The following PRKN variants were observed in gnomAD, a reference collection of about 807,000 sequenced individuals.
PRKN encodes the protein E3 ubiquitin-protein ligase parkin.
Under a neutral mutation model 59.5 loss-of-function variants are expected in PRKN, and 56 were observed. The ratio of observed to expected loss-of-function variants is 0.94; its 90% CI spans 0.76 to 1.18. PRKN has a LOEUF of 1.18. Ranked by LOEUF, PRKN falls within the 50% of genes most tolerant of loss-of-function variation. The pLI, the probability that PRKN is intolerant of heterozygous loss-of-function variation, is 0.00. For missense variants in PRKN, 657 were observed against 596.4 expected, an observed-to-expected ratio of 1.10 and a Z score of -1.06; for synonymous variants, 250 against 222.1, an observed-to-expected ratio of 1.13 and a Z score of -1.12.
At chr6:162,074,681 G>A (rs1361951789) in intron 4 of PRKN, among the ~76,000 whole-genome samples, 1 of 152,122 alleles carries the variant, frequency 6.6e-6, no homozygotes, top group East Asian at 1.9e-4. Flanking sequence ...TGTAAGTGAA[G>A]TGACTCGTCC....
At chr6:162,418,661 T>TGTGTGTGTGTGCG (rs1398856017) in intron 2 of PRKN, among the ~76,000 whole-genome samples, 2 of 145,632 alleles carry the variant, frequency 1.4e-5, no homozygotes, top group African/African-American at 2.6e-5. Flanking sequence ...TGCGTGTGTG[T>TGTGTGTGTGTGCG]TGAGGGGGGG....
chr6:162,518,273 C>T (rs1246417019), intron 1 of PRKN, among the ~76,000 whole-genome samples: 1 of 152,106 alleles, frequency 6.6e-6, no homozygotes, highest in Non-Finnish European at 1.5e-5. Flanking sequence ...TTAAGTAGTT[C>T]TATATACACA....
intron 1 of PRKN, chr6:162,624,564 T>C (rs1782810271): frequency 6.6e-6 from 1 of 152,188 alleles, no homozygotes; most frequent in African/African-American, 2.4e-5. Context: ...CTTGTACAGC[T>C]TGAAGTATTT....
At chr6:162,490,663 C>G (rs1427312870) in intron 1 of PRKN, among the ~76,000 whole-genome samples, 1 of 152,128 alleles carries the variant, frequency 6.6e-6, no homozygotes, top group East Asian at 1.9e-4. Context: ...AAAAAGGAAG[C>G]TGGTCTATAT....
intron 7 of PRKN, among the ~76,000 whole-genome samples, chr6:161,594,089 G>C (rs34951308): frequency 0.021 from 3,230 of 152,218 alleles, 46 homozygotes; most frequent in Middle Eastern, 0.048. Context: ...CTTGAACCCT[G>C]GAGGCAGAGG....
At chr6:162,105,657 C>T (rs1379482778) in intron 4 of PRKN, among the ~76,000 whole-genome samples, 1 of 152,184 alleles carries the variant, frequency 6.6e-6, no homozygotes, top group Non-Finnish European at 1.5e-5. Context: ...GCCTTGGTCT[C>T]CCAAAGTGCT....
chr6:161,971,290 C>T (rs981264470), intron 6 of PRKN, among the ~76,000 whole-genome samples: 5 of 152,270 alleles, frequency 3.3e-5, no homozygotes, highest in South Asian at 4.1e-4. Flanking sequence ...GGGAGGGCAA[C>T]GCTCTTAGTA....
At chr6:162,688,139 G>A (rs1777638570) in intron 1 of PRKN, among the ~76,000 whole-genome samples, 3 of 152,088 alleles carry the variant, frequency 2.0e-5, no homozygotes, top group Middle Eastern at 3.2e-3. Context: ...AATTACAAAT[G>A]GTACTGCTTT....
chr6:162,248,061 A>G lies in PRKN; in HGVS notation c.412+14464T>C, dbSNP rs113238627. On this transcript the variant is annotated intron_variant, in intron 3 of 11. Transcript: ENST00000366898. Reference sequence around the variant, plus strand: ...AATCTCCCACAGGCTCCCTGGAGAGAGGAGCTGGAAAGCCTTAGGTTTGTT... The same window carrying G: ...AATCTCCCACAGGCTCCCTGGAGAGGGGAGCTGGAAAGCCTTAGGTTTGTT... 1.7e-3 allele frequency among the ~76,000 whole-genome samples: 256 copies of G among 152,298 alleles called. 7 individuals carry two copies. Among genetic ancestry groups the G allele is most frequent in the African/African-American group, 5.8e-3 (241 of 41,574 alleles).
At chr6:161,908,047 C>T (rs1364284481) in intron 6 of PRKN, among the ~76,000 whole-genome samples, 5 of 152,082 alleles carry the variant, frequency 3.3e-5, no homozygotes, top group African/African-American at 9.7e-5. Context: ...CACTGCACTC[C>T]AGCCTGGGTG....
chr6:161,389,161 C>T (rs1184245027), intron 9 of PRKN, among the ~76,000 whole-genome samples: 3 of 152,156 alleles, frequency 2.0e-5, no homozygotes, highest in Non-Finnish European at 4.4e-5. Context: ...CATAATTCCT[C>T]CTTGCCTCAA....
intron 2 of PRKN, among the ~76,000 whole-genome samples, chr6:162,318,093 C>G (rs561883453): frequency 6.6e-6 from 1 of 152,016 alleles, no homozygotes; most frequent in African/African-American, 2.4e-5. Context: ...CTCTCCAGGC[C>G]CTGGTAACTG....
At chr6:162,330,484 G>T (rs138134536) in intron 2 of PRKN, among the ~76,000 whole-genome samples, 1 of 152,130 alleles carries the variant, frequency 6.6e-6, no homozygotes, top group Non-Finnish European at 1.5e-5. Flanking sequence ...TTGGTTCAGC[G>T]CATAATTCCA....
At chr6:161,920,620 T>A (rs1163609673) in intron 6 of PRKN, among the ~76,000 whole-genome samples, 1 of 151,516 alleles carries the variant, frequency 6.6e-6, no homozygotes, top group South Asian at 2.1e-4. Context: ...CCCCGTCTCG[T>A]CTCTACTAAA....
At chr6:161,790,604 C>A (rs1293307516) in intron 6 of PRKN, among the ~76,000 whole-genome samples, 1 of 152,156 alleles carries the variant, frequency 6.6e-6, no homozygotes, top group Non-Finnish European at 1.5e-5. Flanking sequence ...CACACACGTT[C>A]CACCATATGA....
chr6:161,812,111 G>T (rs772211535), intron 6 of PRKN, among the ~76,000 whole-genome samples: 1 of 152,088 alleles, frequency 6.6e-6, no homozygotes, highest in Non-Finnish European at 1.5e-5. Flanking sequence ...TTGAAGCCAG[G>T]CATGGTAGTT....
At chr6:162,341,009 AATCT>A (rs1562685930) in intron 2 of PRKN, among the ~76,000 whole-genome samples, 2 of 152,170 alleles carry the variant, frequency 1.3e-5, no homozygotes, top group South Asian at 2.1e-4. Flanking sequence ...AAATTTTTGC[AATCT>A]ATCTATCTGA....
At chr6:162,147,645 T>C (rs915864405) in intron 4 of PRKN, among the ~76,000 whole-genome samples, 1 of 152,190 alleles carries the variant, frequency 6.6e-6, no homozygotes, top group Non-Finnish European at 1.5e-5. Flanking sequence ...AGTAAACTTT[T>C]TAAGACTGAA....
intron 11 of PRKN, 100 bp from the exon 12 acceptor site, chr6:161,350,311 G>A: frequency 1.3e-6 from 1 of 791,880 alleles, no homozygotes; most frequent in Non-Finnish European, 2.2e-6. Flanking sequence ...CACTTTCTGA[G>A]CGAATAATCA....
Sources: allele counts gnomAD v4.1 joint callset (sites outside exome capture counted in the v4.1 genomes callset), GRCh38; gene constraint gnomAD v4.1.1; transcripts MANE v1.5; gene names NCBI Gene and HGNC (gene_info 2026-07-23, HGNC 2026-07-21).